Variants in VWC2 observed in about 807,000 individuals in gnomAD.
VWC2 encodes the protein von Willebrand factor C domain containing 2.
In VWC2, 14 loss-of-function variants were observed where a neutral mutation model predicts 29.8. The ratio of observed to expected loss-of-function variants is 0.47; its 90% CI spans 0.31 to 0.74. VWC2 has a LOEUF of 0.74. Ranked by LOEUF, VWC2 falls within the 30% of genes least tolerant of loss-of-function variation. The pLI is 0.05. For missense variants in VWC2, 457 were observed against 459.8 expected, an observed-to-expected ratio of 0.99 and a Z score of 0.05; for synonymous variants, 213 against 199.0, an observed-to-expected ratio of 1.07 and a Z score of -0.59.
At chr7:49,853,766 C>T (rs1358220939) in intron 3 of VWC2, among the ~76,000 whole-genome samples, 11 of 151,858 alleles carry the variant, frequency 7.2e-5, no homozygotes, top group Non-Finnish European at 1.6e-4. Context: ...GCACAACGTG[C>T]AGGTTTGTTA....
chr7:49,837,966 A>C (rs777911188), intron 3 of VWC2, among the ~76,000 whole-genome samples: 10 of 152,184 alleles, frequency 6.6e-5, no homozygotes, highest in Non-Finnish European at 1.5e-4. Context: ...TCTGCCTATA[A>C]CTTTCTTCCC....
chr7:49,793,938 C>T lies in VWC2; in HGVS notation c.697-8773C>T, dbSNP rs116326984. 6.2e-3 allele frequency among the ~76,000 whole-genome samples: 944 copies of T among 152,276 alleles called. 10 individuals carry two copies. Among genetic ancestry groups the T allele is most frequent in the African/African-American group, 0.021 (871 of 41,552 alleles). ...TCAGCAGTCTGAGCAACTCAGAGCC[C>T]ACCTGTAGGGGTACCTGCAAGGTTT... On this transcript the variant is annotated intron_variant, in intron 2 of 3. Coordinates refer to ENST00000340652, the MANE Select transcript of VWC2 (RefSeq NM_198570.5).
intron 3 of VWC2, among the ~76,000 whole-genome samples, chr7:49,856,032 T>A (rs1790403628): frequency 2.0e-5 from 3 of 152,154 alleles, no homozygotes; most frequent in Admixed American, 2.0e-4. Flanking sequence ...CCTGCTTAGT[T>A]CAGGTATATA....
chr7:49,805,092 T>G (rs1439360030), intron 3 of VWC2, among the ~76,000 whole-genome samples: 1 of 152,232 alleles, frequency 6.6e-6, no homozygotes, highest in Non-Finnish European at 1.5e-5. Flanking sequence ...ATTTAAGATA[T>G]AGTTATATTT....
intron 3 of VWC2, among the ~76,000 whole-genome samples, chr7:49,845,990 T>A (rs1789934933): frequency 6.6e-6 from 1 of 152,230 alleles, no homozygotes; most frequent in African/African-American, 2.4e-5. Context: ...CTTGGTACAG[T>A]CATGATAAAA....
In VWC2 at chr7:49,913,645, T is replaced by G. The variant is rs1793573767; in HGVS notation, c.*1460T>G. 1 of 152,200 alleles carries G rather than the reference T, an allele frequency of 6.6e-6. No homozygotes were observed. The highest frequency in any genetic ancestry group is 6.6e-5 in the Admixed American group (1 of 15,266). 9.4% of individuals were successfully genotyped at this position (152,200 alleles called of 1,614,324 possible). A position where few individuals can be genotyped will look rare whatever the true frequency, so the allele number is the denominator to read the frequency against. On this transcript the variant is annotated 3_prime_UTR_variant, in exon 4 of 4. Coordinates refer to ENST00000340652, the MANE Select transcript of VWC2 (RefSeq NM_198570.5). The stretch of plus-strand genomic sequence containing the variant: ...GGCTTGATTTCTTGCCTTCTTGGAC[T>G]TTCGGTCTCTGGCATAAGAAGTATA...
chr7:49,897,076 T>C (rs570947702), intron 3 of VWC2, among the ~76,000 whole-genome samples: 355 of 152,000 alleles, frequency 2.3e-3, no homozygotes, highest in South Asian at 8.8e-3. Flanking sequence ...TTTGTATTTT[T>C]AGTAGAGACG....
chr7:49,828,971 AT>A lies in VWC2; in HGVS notation c.826+26133del, dbSNP rs1377298319. ...TAAGCCTGCTTGCTCTGCTCTACCAATTCCTTCCCACGGAACCCACACCAAG... is the reference window on the plus strand; with the variant it reads ...TAAGCCTGCTTGCTCTGCTCTACCAATCCTTCCCACGGAACCCACACCAAG... On this transcript the variant is annotated intron_variant, in intron 3 of 3. Coordinates refer to ENST00000340652, the MANE Select transcript of VWC2 (RefSeq NM_198570.5). Among the ~76,000 whole-genome samples, 17 of 151,942 alleles carry A rather than the reference AT, an allele frequency of 1.1e-4. No homozygotes were observed. In the East Asian group the frequency reaches 3.3e-3, roughly 29 times the overall value.
intron 3 of VWC2, among the ~76,000 whole-genome samples, chr7:49,876,902 G>A (rs913223965): frequency 2.6e-5 from 4 of 151,776 alleles, no homozygotes; most frequent in African/African-American, 9.7e-5. Context: ...AAATTTATCA[G>A]TGGGATCCTT....
intron 3 of VWC2, among the ~76,000 whole-genome samples, chr7:49,811,100 T>C (rs1168000499): frequency 6.6e-6 from 1 of 152,040 alleles, no homozygotes; most frequent in Non-Finnish European, 1.5e-5. Flanking sequence ...GAGAAAACAT[T>C]TGTAAATCAT....
intron 3 of VWC2, among the ~76,000 whole-genome samples, chr7:49,845,929 C>T (rs959948934): frequency 1.3e-5 from 2 of 152,208 alleles, no homozygotes; most frequent in Non-Finnish European, 2.9e-5. Context: ...AGAGTTTTCA[C>T]TAATGAGTCT....
At chr7:49,903,595 A>C (rs1792898264) in intron 3 of VWC2, among the ~76,000 whole-genome samples, 1 of 152,252 alleles carries the variant, frequency 6.6e-6, no homozygotes, top group Non-Finnish European at 1.5e-5. Flanking sequence ...TGGTGGGGCC[A>C]GAGAAGGTGC....
chr7:49,812,133 G>A (rs1264448519), intron 3 of VWC2, among the ~76,000 whole-genome samples: 10 of 152,192 alleles, frequency 6.6e-5, no homozygotes, highest in Non-Finnish European at 1.3e-4. Flanking sequence ...AAATTGATCA[G>A]TGGTAGCCAA....
At chr7:49,911,940 CACACACAT>C (rs2128743263) in intron 3 of VWC2, 86 bp from the exon 4 acceptor site, 7 of 989,442 alleles carry the variant, frequency 7.1e-6, no homozygotes, top group Non-Finnish European at 6.8e-6. Context: ...CACACACACA[CACACACAT>C]ATATATACTG....
intron 3 of VWC2, among the ~76,000 whole-genome samples, chr7:49,821,016 C>A (rs116257863): frequency 6.6e-6 from 1 of 152,190 alleles, no homozygotes; most frequent in Non-Finnish European, 1.5e-5. Context: ...CCTCCCCGCC[C>A]AGGATGCTGA....
At chr7:49,792,792 A>G (rs1788495064) in intron 2 of VWC2, among the ~76,000 whole-genome samples, 1 of 152,176 alleles carries the variant, frequency 6.6e-6, no homozygotes, top group African/African-American at 2.4e-5. Context: ...TCCCTGGGGA[A>G]GCCTCATGGG....
chr7:49,789,028 G>T (rs1018860196), intron 2 of VWC2, among the ~76,000 whole-genome samples: 3 of 148,480 alleles, frequency 2.0e-5, no homozygotes, highest in East Asian at 2.0e-4. Flanking sequence ...CAGTGTGAGC[G>T]TGTGGGTGCA....
intron 3 of VWC2, among the ~76,000 whole-genome samples, chr7:49,853,532 G>GT (rs1434450851): frequency 6.6e-6 from 1 of 151,510 alleles, no homozygotes; most frequent in Non-Finnish European, 1.5e-5. Context: ...CTAAGTTTTT[G>GT]GTTTTTTTTT....
At chr7:49,790,008 G>T (rs757012925) in intron 2 of VWC2, among the ~76,000 whole-genome samples, 31 of 152,204 alleles carry the variant, frequency 2.0e-4, no homozygotes, top group Non-Finnish European at 3.7e-4. Flanking sequence ...TGTTAGGCAA[G>T]CTGGCAGATT....
Sources: allele counts gnomAD v4.1 joint callset (sites outside exome capture counted in the v4.1 genomes callset), GRCh38; gene constraint gnomAD v4.1.1; transcripts MANE v1.5; gene names NCBI Gene and HGNC (gene_info 2026-07-23, HGNC 2026-07-21).